Variants in RTN1 observed in about 807,000 individuals in gnomAD.
RTN1 encodes the protein reticulon-1.
A neutral mutation model predicts 65.5 loss-of-function variants in RTN1; 25 were observed. The observed-to-expected ratio is 0.38, with a 90% CI of 0.28 to 0.53. RTN1 has a LOEUF of 0.53. Ranked by LOEUF, RTN1 falls within the 20% of genes least tolerant of loss-of-function variation. The pLI, the probability that RTN1 is intolerant of heterozygous loss-of-function variation, is 0.79. For synonymous variants in RTN1, 471 were observed against 447.6 expected (o/e 1.05, Z -0.66); for missense variants, 983 against 1,025.4 (o/e 0.96, Z 0.57).
rs994298282 is a variant in RTN1, at chr14:59,811,144, T to C, written c.241+59246A>G. ...GGGGAAGGGTGAACCTCCTCAATCATTGGTGAACTTTTAGTATATTGTAAA... is the reference window on the plus strand; with the variant it reads ...GGGGAAGGGTGAACCTCCTCAATCACTGGTGAACTTTTAGTATATTGTAAA... On this transcript the variant is annotated intron_variant, in intron 1 of 8. Transcript: ENST00000267484. 1.4e-4 allele frequency among the ~76,000 whole-genome samples: 21 copies of C among 152,322 alleles called. 1 individual carries two copies. The highest frequency in any genetic ancestry group is 8.5e-4 in the Admixed American group (13 of 15,292).
Position 59,743,707 on chromosome 14 carries a change from C to T in RTN1, c.1015+2001G>A, listed in dbSNP as rs891760739. On this transcript the variant is annotated intron_variant, in intron 2 of 8. Coordinates refer to ENST00000267484, the MANE Select transcript of RTN1 (RefSeq NM_021136.3). ...CATGCAGCTCCTCAGACTGGAAGGG[C>T]ACCCTTCCCTTCACCTCTTTGTTTC... Among the ~76,000 whole-genome samples the T allele has an allele frequency of 4.3e-5, 6 of 138,420 alleles. No individual in the cohort carries two copies. In the Admixed American group the frequency reaches 4.4e-4, roughly 10 times the overall value. The allele number at this position is 138,420 out of a possible 152,430, so 90.8% of individuals were successfully genotyped here.
In RTN1 at chr14:59,822,169, T is replaced by C. The variant is rs74907868; in HGVS notation, c.241+48221A>G. 3.5e-3 allele frequency among the ~76,000 whole-genome samples: 540 copies of C among 152,330 alleles called. 20 individuals are homozygous for C. In the East Asian group the frequency reaches 0.06, roughly 17 times the overall value. On this transcript the variant is annotated intron_variant, in intron 1 of 8. Coordinates refer to ENST00000267484, the MANE Select transcript of RTN1 (RefSeq NM_021136.3). ...CCTTTTCTGGTTGGTAGGTTTTTTA[T>C]TGTTGATTCAGTTTTGAAACTTGTT...
chr14:59,603,844 G>T lies in RTN1; in HGVS notation c.2182+8C>A. The T allele has an allele frequency of 6.2e-7, 1 of 1,609,026 alleles. No individual in the cohort carries two copies. Among genetic ancestry groups the T allele is most frequent in the Non-Finnish European group, 8.5e-7 (1 of 1,176,050 alleles). On this transcript the variant is annotated splice_region_variant and intron_variant, in intron 6 of 8. Transcript: ENST00000267484. ...AAGGAAGACGTATACAGTCTTATCT[G>T]CTCTTACCCATGAGCAGCAGGGTCA...
chr14:59,666,105 C>T (rs781638339), intron 3 of RTN1, among the ~76,000 whole-genome samples: 9 of 152,294 alleles, frequency 5.9e-5, no homozygotes, highest in African/African-American at 7.2e-5. Flanking sequence ...TAGACATCTA[C>T]GGAAAGCTCC....
chr14:59,765,284 T>C (rs1224425471), intron 1 of RTN1, among the ~76,000 whole-genome samples: 1 of 152,090 alleles, frequency 6.6e-6, no homozygotes, highest in Non-Finnish European at 1.5e-5. Flanking sequence ...AAAAGATGAG[T>C]TCAAACAAAA....
At chr14:59,824,286 TC>T (rs1157997096) in intron 1 of RTN1, among the ~76,000 whole-genome samples, 1 of 152,246 alleles carries the variant, frequency 6.6e-6, no homozygotes, top group Non-Finnish European at 1.5e-5. Flanking sequence ...TTTCTCTCAT[TC>T]TACCATGTTC....
chr14:59,744,970 C>A (rs929731283), intron 2 of RTN1, among the ~76,000 whole-genome samples: 5 of 152,120 alleles, frequency 3.3e-5, no homozygotes, highest in Admixed American at 6.5e-5. Flanking sequence ...AGGCTATGGA[C>A]TACGAAATAT....
At chr14:59,755,930 C>T (rs1279415863) in intron 1 of RTN1, among the ~76,000 whole-genome samples, 2 of 152,306 alleles carry the variant, frequency 1.3e-5, no homozygotes, top group East Asian at 3.9e-4. Flanking sequence ...TTATTTAAAG[C>T]TTGTCTGCCA....
At chr14:59,830,579 C>G (rs1018707128) in intron 1 of RTN1, among the ~76,000 whole-genome samples, 1 of 152,206 alleles carries the variant, frequency 6.6e-6, no homozygotes, top group Non-Finnish European at 1.5e-5. Context: ...CTTTTCCAAG[C>G]CTTCTTTCCT....
At chr14:59,609,472 T>C (rs570244871) in intron 3 of RTN1, among the ~76,000 whole-genome samples, 1 of 152,178 alleles carries the variant, frequency 6.6e-6, no homozygotes, top group Non-Finnish European at 1.5e-5. Context: ...AAAGCCATAA[T>C]CTTTTTCAGG....
intron 1 of RTN1, among the ~76,000 whole-genome samples, chr14:59,805,815 G>T (rs992573603): frequency 4.6e-5 from 7 of 152,080 alleles, no homozygotes; most frequent in African/African-American, 1.4e-4. Flanking sequence ...TCCAAAAAGG[G>T]AAGAGCACAA....
At position 59,750,198 on chromosome 14, in the gene RTN1, CTATAATA is replaced by C. The variant is rs1293598391; in HGVS notation, c.242-3724_242-3718del. On this transcript the variant is annotated intron_variant, in intron 1 of 8. Transcript: ENST00000267484. ...ATAATATATAATACATATATTATAT[CTATAATA>C]TATAATATATATATTATATCTATAA... Among the ~76,000 whole-genome samples, 12 of 46,012 alleles carry C rather than the reference CTATAATA, an allele frequency of 2.6e-4. 1 individual carries two copies. The highest frequency in any genetic ancestry group is 6.8e-4 in the East Asian group (1 of 1,476). The allele number at this position is 46,012 out of a possible 152,430, so 30.2% of individuals were successfully genotyped here. A position where few individuals can be genotyped will look rare whatever the true frequency, so the allele number is the denominator to read the frequency against.
chr14:59,760,137 T>C (rs894890008), intron 1 of RTN1, among the ~76,000 whole-genome samples: 1 of 152,230 alleles, frequency 6.6e-6, no homozygotes, highest in Non-Finnish European at 1.5e-5. Flanking sequence ...TGTATTGCTA[T>C]ACATAGAATA....
chr14:59,743,672 ACTCCATGTCCATGCAG>A (rs990159775), intron 2 of RTN1, among the ~76,000 whole-genome samples: 14 of 151,714 alleles, frequency 9.2e-5, no homozygotes, highest in South Asian at 2.1e-4. Context: ...GGCCCTCACA[ACTCCATGTCCATGCAG>A]CTCCTCAGAC....
intron 3 of RTN1, among the ~76,000 whole-genome samples, chr14:59,611,348 G>A (rs575382220): frequency 8.5e-4 from 130 of 152,310 alleles, no homozygotes; most frequent in South Asian, 2.7e-3. Flanking sequence ...TTCTACTGGC[G>A]TGGCACTGCT....
intron 1 of RTN1, among the ~76,000 whole-genome samples, chr14:59,802,311 G>A (rs901266490): frequency 2.0e-5 from 3 of 152,204 alleles, no homozygotes; most frequent in African/African-American, 7.2e-5. Context: ...TGCCTGACAC[G>A]CAGAATTTCA....
chr14:59,776,765 T>A (rs1021474658), intron 1 of RTN1, among the ~76,000 whole-genome samples: 19 of 152,088 alleles, frequency 1.2e-4, no homozygotes, highest in Admixed American at 1.2e-3. Context: ...GGGGACCAGA[T>A]GAAAAATTTA....
At chr14:59,640,452 G>A (rs1460915930) in intron 3 of RTN1, among the ~76,000 whole-genome samples, 1 of 152,122 alleles carries the variant, frequency 6.6e-6, no homozygotes, top group Non-Finnish European at 1.5e-5. Context: ...GAGTAGCTGG[G>A]ACTACAGGTG....
At chr14:59,712,303 C>G (rs977870563) in intron 3 of RTN1, among the ~76,000 whole-genome samples, 1 of 152,010 alleles carries the variant, frequency 6.6e-6, no homozygotes, top group Non-Finnish European at 1.5e-5. Context: ...TTTAAATCAG[C>G]TGGGGCATAC....
Sources: gnomAD v4.1 joint callset for allele counts (sites outside exome capture counted in the v4.1 genomes callset) on GRCh38, gnomAD v4.1.1 for gene constraint, MANE v1.5 for transcripts, NCBI Gene and HGNC (gene_info 2026-07-23, HGNC 2026-07-21) for gene names.